TDRD3: variants seen among roughly 807,000 people sequenced by gnomAD.
TDRD3 encodes the protein tudor domain containing 3.
TDRD3 carries 45 observed loss-of-function variants against 86.7 expected under a neutral mutation model. The ratio of observed to expected loss-of-function variants is 0.52; its 90% CI spans 0.41 to 0.67. The LOEUF (loss-of-function observed/expected upper bound fraction) is 0.67, where lower values mean the gene tolerates loss of function less well. TDRD3 is among the 30% of genes least tolerant of loss of function. The pLI is 0.00. For missense variants in TDRD3, 814 were observed against 889.0 expected (o/e 0.92, Z 1.07); for synonymous variants, 298 against 301.7 (o/e 0.99, Z 0.13).
intron 10 of TDRD3, among the ~76,000 whole-genome samples, chr13:60,521,870 C>G (rs1456330998): frequency 1.3e-5 from 2 of 151,860 alleles, no homozygotes; most frequent in African/African-American, 4.8e-5. Flanking sequence ...GCACTCCAGC[C>G]TGGGCAACAA....
chr13:60,529,438 G>C (rs1180746386), intron 11 of TDRD3, among the ~76,000 whole-genome samples: 2 of 152,074 alleles, frequency 1.3e-5, no homozygotes, highest in Non-Finnish European at 2.9e-5. Context: ...GTTAAGTTCG[G>C]TTTGGTTTTA....
At chr13:60,538,402 G>A (rs1270213700) in intron 12 of TDRD3, among the ~76,000 whole-genome samples, 4 of 126,172 alleles carry the variant, frequency 3.2e-5, no homozygotes, top group Non-Finnish European at 6.8e-5. Flanking sequence ...TTTTTTGGCT[G>A]TCTTAAGGTA....
At chr13:60,468,740 T>C (rs111906013) in intron 5 of TDRD3, among the ~76,000 whole-genome samples, 7,286 of 152,266 alleles carry the variant, frequency 0.048, 217 homozygotes, top group Non-Finnish European at 0.064. Flanking sequence ...GTAGCCTTTT[T>C]GCAATCTCCA....
chr13:60,461,575 C>G (rs967538000), intron 4 of TDRD3, among the ~76,000 whole-genome samples: 9 of 152,120 alleles, frequency 5.9e-5, no homozygotes, highest in African/African-American at 2.2e-4. Flanking sequence ...CTCCTCTAAG[C>G]TTTTTCACTT....
At chr13:60,521,094 G>A (rs1957276367) in intron 10 of TDRD3, among the ~76,000 whole-genome samples, 1 of 152,160 alleles carries the variant, frequency 6.6e-6, no homozygotes, top group Non-Finnish European at 1.5e-5. Context: ...GCTTTTATAA[G>A]TTTACTTTTT....
intron 12 of TDRD3, among the ~76,000 whole-genome samples, chr13:60,562,591 G>C (rs1194288731): frequency 6.6e-6 from 1 of 152,008 alleles, no homozygotes; most frequent in Non-Finnish European, 1.5e-5. Context: ...TAGAATAAGT[G>C]GTTCATGTAT....
intron 7 of TDRD3, among the ~76,000 whole-genome samples, chr13:60,492,271 T>C (rs975739137): frequency 2.0e-5 from 3 of 152,190 alleles, no homozygotes; most frequent in Non-Finnish European, 2.9e-5. Flanking sequence ...TGGAAATATA[T>C]TTAATTTGGA....
At chr13:60,397,627 C>CGG (rs1458682330) in intron 1 of TDRD3, among the ~76,000 whole-genome samples, 5 of 92,584 alleles carry the variant, frequency 5.4e-5, no homozygotes, top group Non-Finnish European at 2.9e-5. Context: ...GCCTGGGCCC[C>CGG]GGGCGGCGGG....
At chr13:60,397,886 C>T (rs1223295243) in intron 1 of TDRD3, among the ~76,000 whole-genome samples, 1 of 152,048 alleles carries the variant, frequency 6.6e-6, no homozygotes, top group African/African-American at 2.4e-5. Flanking sequence ...CAGAGCAGAG[C>T]ACAGCCCGCG....
At chr13:60,467,473 G>A in intron 5 of TDRD3, 94 bp downstream of exon 5, 1 of 1,395,636 alleles carries the variant, frequency 7.2e-7, no homozygotes, top group South Asian at 1.3e-5. Context: ...TTAGTTCTTT[G>A]TGTCGGAGTT....
chr13:60,435,582 G>C (rs887806816), intron 1 of TDRD3, among the ~76,000 whole-genome samples: 3 of 152,120 alleles, frequency 2.0e-5, no homozygotes, highest in Non-Finnish European at 4.4e-5. Flanking sequence ...CATCCAAGTT[G>C]TTGCAAAAGA....
chr13:60,437,121 C>CTT (rs528500199), intron 1 of TDRD3, among the ~76,000 whole-genome samples: 9,019 of 73,680 alleles, frequency 0.12, 973 homozygotes, highest in South Asian at 0.15. Context: ...ATAAATTAAA[C>CTT]TTTTTTTTTT....
At chr13:60,548,977 T>G (rs1957989491) in intron 12 of TDRD3, among the ~76,000 whole-genome samples, 1 of 152,124 alleles carries the variant, frequency 6.6e-6, no homozygotes, top group African/African-American at 2.4e-5. Context: ...AGAAGCTACT[T>G]AAGCATCCAA....
Position 60,513,778 on chromosome 13 carries a change from C to T in TDRD3, c.1141+3023C>T, listed in dbSNP as rs539959066. ...TAAGATGTGACTTGCTCCTCCTTGC[C>T]TTCTGCCATGATTGTGAGGCTTCCC... On this transcript the variant is annotated intron_variant, in intron 10 of 13. Transcript: ENST00000377881. Among the ~76,000 whole-genome samples the T allele has an allele frequency of 8.5e-5, 13 of 152,334 alleles. No homozygotes were observed. In the East Asian group the frequency reaches 9.6e-4, roughly 11 times the overall value.
At position 60,432,657 on chromosome 13, in the gene TDRD3, A is replaced by G. The variant is rs1954982710; in HGVS notation, c.42-7031A>G. On this transcript the variant is annotated intron_variant, in intron 1 of 13. Coordinates refer to ENST00000377881, the MANE Select transcript of TDRD3 (RefSeq NM_001146070.2). Reference sequence around the variant, plus strand: ...TCTTCGTATGGGTAATTTTTAAAAAATATCTTTACAACATTGAAGTTTTGG... The same window carrying G: ...TCTTCGTATGGGTAATTTTTAAAAAGTATCTTTACAACATTGAAGTTTTGG... 1.3e-5 allele frequency among the ~76,000 whole-genome samples: 2 copies of G among 152,220 alleles called. 1 individual carries two copies. The highest frequency in any genetic ancestry group is 2.9e-5 in the Non-Finnish European group (2 of 68,036).
At chr13:60,424,057 T>C (rs1274662967) in intron 1 of TDRD3, among the ~76,000 whole-genome samples, 1 of 152,096 alleles carries the variant, frequency 6.6e-6, no homozygotes, top group Non-Finnish European at 1.5e-5. Context: ...AGTCTTACTC[T>C]GTCGCCCAGG....
In TDRD3 at chr13:60,419,008, G is replaced by T. The variant is rs186206502; in HGVS notation, c.42-20680G>T. The stretch of plus-strand genomic sequence containing the variant: ...TTGGTTATTATGAATAAGGCTTGGA[G>T]CATTCATTTATAAGTATTTTTTGTG... On this transcript the variant is annotated intron_variant, in intron 1 of 13. Coordinates refer to ENST00000377881, the MANE Select transcript of TDRD3 (RefSeq NM_001146070.2). Among the ~76,000 whole-genome samples, 53 of 152,256 alleles carry T rather than the reference G, an allele frequency of 3.5e-4. No homozygotes were observed. The East Asian group carries it at 8.5e-3, about 24-fold the overall frequency.
intron 5 of TDRD3, among the ~76,000 whole-genome samples, chr13:60,472,683 G>A (rs553934817): frequency 6.6e-6 from 1 of 152,236 alleles, no homozygotes; most frequent in Non-Finnish European, 1.5e-5. Context: ...CCAAAAGAAT[G>A]GAAAACAGGT....
intron 10 of TDRD3, among the ~76,000 whole-genome samples, chr13:60,527,020 A>G (rs1957454834): frequency 6.6e-6 from 1 of 152,018 alleles, no homozygotes; most frequent in South Asian, 2.1e-4. Context: ...TTTTTAGTAG[A>G]GACAAGGGTT....
Sources: allele counts gnomAD v4.1 joint callset (sites outside exome capture counted in the v4.1 genomes callset), GRCh38; gene constraint gnomAD v4.1.1; transcripts MANE v1.5; gene names NCBI Gene and HGNC (gene_info 2026-07-23, HGNC 2026-07-21).